Variants in ARSH observed in about 807,000 individuals in gnomAD.
ARSH encodes arylsulfatase family member H.
A neutral mutation model predicts 28.7 loss-of-function variants in ARSH; 32 were observed. The observed-to-expected ratio is 1.11, with a 90% CI of 0.84 to 1.50. ARSH has a LOEUF of 1.50. Ranked by LOEUF, ARSH falls within the 40% of genes most tolerant of loss-of-function variation. The pLI is 0.00. For missense variants in ARSH, 440 were observed against 452.4 expected (o/e 0.97, Z 0.25); for synonymous variants, 176 against 177.3 (o/e 0.99, Z 0.06).
chrX:3,027,296 G>A lies in ARSH; in HGVS notation c.1037-17G>A, dbSNP rs1211856524. 1.4e-5 allele frequency: 17 copies of A among 1,206,693 alleles called. No individual in the cohort carries two copies. Among genetic ancestry groups the A allele is most frequent in the South Asian group, 3.6e-5 (2 of 56,320 alleles). ...GTTTTAACTCATCTTTGGTTGTGTC[G>A]TAATCTTTGGTTTTAGGTGGCAAAG... On this transcript the variant is annotated splice_polypyrimidine_tract_variant and intron_variant, in intron 6 of 8. Transcript: ENST00000381130.
chrX:3,020,521 G>A (rs1279775633), intron 5 of ARSH, among the ~76,000 whole-genome samples: 2 of 101,023 alleles, frequency 2.0e-5, no homozygotes, highest in Non-Finnish European at 4.0e-5. Flanking sequence ...CCTGGGAGGC[G>A]GAGCTTGCAG....
At chrX:3,019,438 G>GA (rs1337109386) in intron 5 of ARSH, among the ~76,000 whole-genome samples, 1 of 111,310 alleles carries the variant, frequency 9.0e-6, no homozygotes, top group African/African-American at 3.3e-5. Context: ...TCACTATAAA[G>GA]AAATGCTAAG....
At chrX:3,029,935 T>A (rs746943760) in intron 8 of ARSH, among the ~76,000 whole-genome samples, 13 of 111,930 alleles carry the variant, frequency 1.2e-4, no homozygotes, top group Non-Finnish European at 2.3e-4. Flanking sequence ...GATCTTACTA[T>A]GTGGCCCAGG....
At chrX:3,021,775 C>T (rs759891586) in intron 5 of ARSH, among the ~76,000 whole-genome samples, 11 of 102,681 alleles carry the variant, frequency 1.1e-4, no homozygotes, top group Non-Finnish European at 1.8e-4. Flanking sequence ...TGCAGTGGTG[C>T]GATCACAGCT....
chrX:3,028,503 C>G (rs1299117520), intron 7 of ARSH, among the ~76,000 whole-genome samples: 1 of 110,761 alleles, frequency 9.0e-6, no homozygotes, highest in African/African-American at 3.3e-5. Flanking sequence ...GCCACCAGGC[C>G]TGGCTTTGTC....
chrX:3,007,703 A>G (rs1163620668), intron 1 of ARSH, among the ~76,000 whole-genome samples: 2 of 105,080 alleles, frequency 1.9e-5, no homozygotes, highest in Admixed American at 2.1e-4. Flanking sequence ...AGTCTATTTC[A>G]GGCTGCTATA....
At chrX:3,006,758 T>C in intron 1 of ARSH, 54 bp downstream of exon 1, 2 of 991,851 alleles carry the variant, frequency 2.0e-6, no homozygotes, top group South Asian at 2.2e-5. Context: ...CTTACCACAG[T>C]GTTCACGTCT....
At chrX:3,011,096 A>G (rs1475867570) in intron 2 of ARSH, among the ~76,000 whole-genome samples, 1 of 110,819 alleles carries the variant, frequency 9.0e-6, no homozygotes, top group Non-Finnish European at 1.9e-5. Flanking sequence ...AAGGTTCTCC[A>G]TTTTGTTCAA....
intron 3 of ARSH, among the ~76,000 whole-genome samples, chrX:3,014,123 T>C (rs1174922293): frequency 3.6e-5 from 4 of 110,968 alleles, no homozygotes; most frequent in African/African-American, 1.3e-4. Flanking sequence ...TAAAATTAGC[T>C]GGGCATGGTG....
In ARSH at chrX:3,030,948, G is replaced by A. The variant is rs1310501968; in HGVS notation, c.1321+1580G>A. 3.7e-5 allele frequency among the ~76,000 whole-genome samples: 4 copies of A among 109,504 alleles called. No individual in the cohort carries two copies. The Admixed American group carries it at 4.0e-4, about 11-fold the overall frequency. On this transcript the variant is annotated intron_variant, in intron 8 of 8. Coordinates refer to ENST00000381130, the MANE Select transcript of ARSH (RefSeq NM_001011719.2). Reference sequence around the variant, plus strand: ...GAGGATTATTTGAGCCCAGGAGTTTGATATCAGCCTGGGCAACATTGCAAG... The same window carrying A: ...GAGGATTATTTGAGCCCAGGAGTTTAATATCAGCCTGGGCAACATTGCAAG...
At chrX:3,008,486 T>TTTCTTTCTTTCTTTCTTTCTTTC (rs2089836568) in intron 1 of ARSH, among the ~76,000 whole-genome samples, 1 of 103,027 alleles carries the variant, frequency 9.7e-6, no homozygotes, top group African/African-American at 3.6e-5. Context: ...TCTTTCTTTC[T>TTTCTTTCTTTCTTTCTTTCTTTC]TTCTTTCTTT....
chrX:3,029,763 T>C (rs936075697), intron 8 of ARSH, among the ~76,000 whole-genome samples: 1 of 111,309 alleles, frequency 9.0e-6, no homozygotes, highest in African/African-American at 3.3e-5. Flanking sequence ...ACTCCTGACC[T>C]CAGGCGATCT....
At chrX:3,015,886 A>C (rs146916357) in intron 4 of ARSH, among the ~76,000 whole-genome samples, 1,152 of 111,770 alleles carry the variant, frequency 0.01, 5 homozygotes, top group Middle Eastern at 0.041. Context: ...CTTAGGTAGA[A>C]TTAAATAGTT....
rs1436920512 is a variant in ARSH at position 3,033,396 on chromosome X, A to ACCAC, written c.*12_*15dup. 8 of 1,182,477 alleles carry ACCAC rather than the reference A, an allele frequency of 6.8e-6. No homozygotes were observed. Among genetic ancestry groups the ACCAC allele is most frequent in the Non-Finnish European group, 9.1e-6 (8 of 880,407 alleles). On this transcript the variant is annotated 3_prime_UTR_variant, in exon 9 of 9. Transcript: ENST00000381130. ...CCCATGGCTCCCTGAGACCATGCGG[A>ACCAC]CCACGTGTTACCCACCACAAACTTA...
chrX:3,031,726 C>T (rs2089914373), intron 8 of ARSH, among the ~76,000 whole-genome samples: 1 of 111,763 alleles, frequency 8.9e-6, no homozygotes, highest in African/African-American at 3.2e-5. Flanking sequence ...ACAGCACAAG[C>T]CTCCCAAATT....
chrX:3,025,179 C>T (rs1297284077), intron 6 of ARSH, among the ~76,000 whole-genome samples: 1 of 107,590 alleles, frequency 9.3e-6, no homozygotes, highest in Non-Finnish European at 1.9e-5. Flanking sequence ...TTACACATAA[C>T]ACATATAATC....
intron 8 of ARSH, 51 bp from the exon 9 acceptor site, chrX:3,032,966 TC>T: frequency 8.7e-7 from 1 of 1,147,145 alleles, no homozygotes; most frequent in Non-Finnish European, 1.2e-6. Context: ...ACGAAAAGAG[TC>T]CTAAAATCAC....
rs767040088 is a variant in ARSH, at chrX:3,015,028, C to T, written c.399C>T (p.Leu133=). The part of the protein sequence containing the change: ...ASRNDHCYHP[L]NHGFHYFYGV... ...GGAATGATCACTGTTACCACCCGCT[C>T]AACCATGGTTTTCACTACTTTTACG... Residue 133 remains leucine, a synonymous_variant, in exon 4 of 9, where the codon CTC becomes CTT. Coordinates refer to ENST00000381130, the MANE Select transcript of ARSH (RefSeq NM_001011719.2). The T allele has an allele frequency of 1.4e-4, 165 of 1,209,547 alleles. No individual in the cohort carries two copies. The highest frequency in any genetic ancestry group is 1.8e-4 in the Non-Finnish European group (162 of 895,147).
At chrX:3,010,422 T>C (rs939801824) in intron 2 of ARSH, among the ~76,000 whole-genome samples, 1 of 111,617 alleles carries the variant, frequency 9.0e-6, no homozygotes, top group African/African-American at 3.3e-5. Flanking sequence ...TTTCAGGTAC[T>C]TGTGCTAAGA....
Sources: gnomAD v4.1 joint callset for allele counts (sites outside exome capture counted in the v4.1 genomes callset) on GRCh38, gnomAD v4.1.1 for gene constraint, MANE v1.5 for transcripts, NCBI Gene and HGNC (gene_info 2026-07-23, HGNC 2026-07-21) for gene names.